The following PTCSC3 variants were observed in gnomAD, a reference collection of about 807,000 sequenced individuals.
PTCSC3 encodes papillary thyroid carcinoma susceptibility candidate 3.
At chr14:36,170,050 A>G (rs1882164759) in intron 1 of PTCSC3, among the ~76,000 whole-genome samples, 1 of 152,130 alleles carries the variant, frequency 6.6e-6, no homozygotes, top group African/African-American at 2.4e-5. Flanking sequence ...TGAGATGTTC[A>G]GCTTTACGTT....
At chr14:36,143,119 C>T (rs181264304) in intron 3 of PTCSC3, among the ~76,000 whole-genome samples, 1,549 of 150,582 alleles carry the variant, frequency 0.01, 11 homozygotes, top group Non-Finnish European at 0.016. Context: ...AATAAACATA[C>T]GTGTGCATGT....
At chr14:36,146,262 T>C (rs1276478598) in intron 3 of PTCSC3, among the ~76,000 whole-genome samples, 2 of 147,856 alleles carry the variant, frequency 1.4e-5, no homozygotes, top group Admixed American at 6.7e-5. Flanking sequence ...GACAGTGGGG[T>C]GTTTAAGTCT....
intron 1 of PTCSC3, among the ~76,000 whole-genome samples, chr14:36,172,481 A>G (rs979181081): frequency 6.6e-6 from 1 of 152,130 alleles, no homozygotes; most frequent in African/African-American, 2.4e-5. Flanking sequence ...AAATAACTCT[A>G]ACTACCAGAG....
At chr14:36,146,440 C>T (rs1047277108) in intron 3 of PTCSC3, among the ~76,000 whole-genome samples, 2 of 151,106 alleles carry the variant, frequency 1.3e-5, no homozygotes, top group Admixed American at 1.3e-4. Context: ...CTCTTTTGAT[C>T]TTTGTTGGTT....
At chr14:36,162,256 T>TG (rs1399490678) in intron 2 of PTCSC3, among the ~76,000 whole-genome samples, 38 of 48,530 alleles carry the variant, frequency 7.8e-4, no homozygotes, top group Admixed American at 2.4e-3. Context: ...TGCTGGGGTA[T>TG]GGAAAAAAAA....
chr14:36,143,058 T>A (rs1476780158), intron 3 of PTCSC3, among the ~76,000 whole-genome samples: 1 of 151,924 alleles, frequency 6.6e-6, no homozygotes, highest in Non-Finnish European at 1.5e-5. Context: ...AGTCTATCAT[T>A]GTTGGACATT....
intron 1 of PTCSC3, among the ~76,000 whole-genome samples, chr14:36,168,975 T>G (rs1042494196): frequency 1.3e-5 from 2 of 152,180 alleles, no homozygotes; most frequent in South Asian, 2.1e-4. Flanking sequence ...TTATTAGAAT[T>G]TAAAACTTCA....
chr14:36,157,086 A>G (rs911456680), intron 2 of PTCSC3, among the ~76,000 whole-genome samples: 1 of 152,198 alleles, frequency 6.6e-6, no homozygotes, highest in African/African-American at 2.4e-5. Flanking sequence ...TTGTTTCCTG[A>G]CTTTTTCATG....
downstream of PTCSC3, among the ~76,000 whole-genome samples, chr14:36,135,174 T>C (rs1374445196): frequency 6.6e-6 from 1 of 152,196 alleles, no homozygotes; most frequent in Non-Finnish European, 1.5e-5. Context: ...AAAATGGAAG[T>C]TTACTTTATA....
At chr14:36,157,537 T>C (rs563470307) in intron 2 of PTCSC3, among the ~76,000 whole-genome samples, 1 of 152,262 alleles carries the variant, frequency 6.6e-6, no homozygotes, top group East Asian at 1.9e-4. Context: ...TTTTAGGTCC[T>C]ACGTTTACAT....
chr14:36,162,732 C>A (rs1881993644), intron 1 of PTCSC3: 2 of 152,184 alleles, frequency 1.3e-5, no homozygotes, highest in African/African-American at 4.8e-5. Context: ...TGATAGATTA[C>A]CTTGTAGTTT....
chr14:36,145,912 G>A (rs1464345258), intron 3 of PTCSC3, among the ~76,000 whole-genome samples: 2 of 151,028 alleles, frequency 1.3e-5, no homozygotes, highest in African/African-American at 2.4e-5. Flanking sequence ...CCTTCATTTT[G>A]TTATGTACCC....
chr14:36,158,827 A>G (rs1025338451), intron 2 of PTCSC3, among the ~76,000 whole-genome samples: 4 of 152,124 alleles, frequency 2.6e-5, no homozygotes, highest in South Asian at 2.1e-4. Context: ...CAGAAGGAAC[A>G]GTACAAGCAC....
At chr14:36,135,423 C>G (rs1228301964), downstream of PTCSC3, among the ~76,000 whole-genome samples, 1 of 152,140 alleles carries the variant, frequency 6.6e-6, no homozygotes, top group Non-Finnish European at 1.5e-5. Flanking sequence ...GTTGAGTGGC[C>G]TTAGGCAAGT....
At chr14:36,137,819 G>A (rs1881324488) in intron 3 of PTCSC3, among the ~76,000 whole-genome samples, 1 of 152,188 alleles carries the variant, frequency 6.6e-6, no homozygotes, top group African/African-American at 2.4e-5. Flanking sequence ...ATCTTAATAT[G>A]TGGAATTTTA....
intron 3 of PTCSC3, among the ~76,000 whole-genome samples, chr14:36,136,909 C>G (rs1299598402): frequency 6.6e-6 from 1 of 152,096 alleles, no homozygotes; most frequent in Admixed American, 6.6e-5. Context: ...TTAATGAGCA[C>G]CTATTATGTG....
intron 1 of PTCSC3, among the ~76,000 whole-genome samples, chr14:36,171,468 A>T (rs1422883669): frequency 6.6e-6 from 1 of 152,216 alleles, no homozygotes; most frequent in African/African-American, 2.4e-5. Context: ...ACGCTGTATG[A>T]GGAAGAAAAA....
chr14:36,143,758 C>A (rs1486982306), intron 3 of PTCSC3, among the ~76,000 whole-genome samples: 2 of 144,346 alleles, frequency 1.4e-5, no homozygotes, highest in Non-Finnish European at 3.1e-5. Flanking sequence ...AATGGTAATG[C>A]CTAGGTTTTC....
intron 3 of PTCSC3, among the ~76,000 whole-genome samples, chr14:36,146,556 C>T (rs1286651818): frequency 6.6e-6 from 1 of 152,012 alleles, no homozygotes; most frequent in African/African-American, 2.4e-5. Context: ...CTATGTGTGT[C>T]TCTGCACATG....
Sources: gnomAD v4.1 joint callset for allele counts (sites outside exome capture counted in the v4.1 genomes callset) on GRCh38, gnomAD v4.1.1 for gene constraint, MANE v1.5 for transcripts, NCBI Gene and HGNC (gene_info 2026-07-23, HGNC 2026-07-21) for gene names.